LRRC49: variants seen among roughly 807,000 people sequenced by gnomAD.
LRRC49 encodes the protein leucine rich repeat containing 49, also known as leucine-rich repeat-containing protein 49.
In LRRC49, 50 loss-of-function variants were observed where a neutral mutation model predicts 83.3. That is an observed-to-expected ratio of 0.60 (90% CI 0.48 to 0.76). LRRC49 has a LOEUF of 0.76. Among genes scored for constraint, LRRC49 ranks in the 30% least tolerant of loss-of-function variants. LRRC49 has a pLI of 0.00. For synonymous variants in LRRC49, 286 were observed against 283.3 expected, an observed-to-expected ratio of 1.01 and a Z score of -0.10; for missense variants, 704 against 809.1, an observed-to-expected ratio of 0.87 and a Z score of 1.58.
At chr15:71,034,823 T>C (rs1471197316) in intron 14 of LRRC49, among the ~76,000 whole-genome samples, 3 of 152,062 alleles carry the variant, frequency 2.0e-5, no homozygotes, top group Admixed American at 1.3e-4. Flanking sequence ...TGTTCTCACT[T>C]ATAAGTGGGA....
chr15:70,867,055 C>A (rs1595968473), intron 1 of LRRC49, among the ~76,000 whole-genome samples: 1 of 98,960 alleles, frequency 1.0e-5, no homozygotes, highest in East Asian at 2.5e-4. Flanking sequence ...GGAACGGAAT[C>A]CTGATGGCCA....
intron 8 of LRRC49, among the ~76,000 whole-genome samples, chr15:70,954,205 A>C (rs2036319058): frequency 6.6e-6 from 1 of 152,142 alleles, no homozygotes; most frequent in Non-Finnish European, 1.5e-5. Flanking sequence ...AAGCTGCCAG[A>C]TTCTTTTCTC....
intron 2 of LRRC49, chr15:70,882,745 AAG>A: frequency 6.2e-7 from 1 of 1,613,968 alleles, no homozygotes; most frequent in Middle Eastern, 1.7e-4. Context: ...TAATCCATTG[AAG>A]AGTCAAAACA....
At chr15:70,960,845 AG>A (rs1447933130) in intron 8 of LRRC49, among the ~76,000 whole-genome samples, 1 of 152,198 alleles carries the variant, frequency 6.6e-6, no homozygotes, top group Non-Finnish European at 1.5e-5. Context: ...AAAACTTAGG[AG>A]AAAATCCAGA....
chr15:70,859,144 C>G, intron 1 of LRRC49: 1 of 1,379,916 alleles, frequency 7.2e-7, no homozygotes, highest in Non-Finnish European at 1.0e-6. Flanking sequence ...AGAGCTATAT[C>G]AACAACCTTA....
At chr15:70,891,731 G>A (rs1206677835), upstream of LRRC49, 5 of 991,932 alleles carry the variant, frequency 5.0e-6, no homozygotes, top group Non-Finnish European at 5.8e-6. Context: ...TAACTTTGCA[G>A]ATTAGAAAAC....
At chr15:70,992,648 C>T (rs1442977676) in intron 11 of LRRC49, among the ~76,000 whole-genome samples, 2 of 152,242 alleles carry the variant, frequency 1.3e-5, no homozygotes, top group Non-Finnish European at 2.9e-5. Flanking sequence ...CAAATGTCCA[C>T]TCCAGACCTT....
intron 9 of LRRC49, among the ~76,000 whole-genome samples, chr15:70,974,894 C>A (rs2037151501): frequency 6.6e-6 from 1 of 152,090 alleles, no homozygotes; most frequent in Non-Finnish European, 1.5e-5. Context: ...ATTGAACATC[C>A]TGGACTTTAT....
intron 11 of LRRC49, among the ~76,000 whole-genome samples, chr15:70,996,591 T>C (rs1291848980): frequency 6.6e-6 from 1 of 152,194 alleles, no homozygotes. Flanking sequence ...GATTTAGATA[T>C]ACTACTTGCT....
chr15:70,937,370 GTGA>G (rs1168260388), intron 8 of LRRC49, among the ~76,000 whole-genome samples: 2 of 152,068 alleles, frequency 1.3e-5, no homozygotes, highest in Non-Finnish European at 2.9e-5. Flanking sequence ...CCTTTATATT[GTGA>G]TGATGTCTCA....
chr15:70,880,723 G>T (rs2033246450), intron 2 of LRRC49, among the ~76,000 whole-genome samples: 1 of 151,686 alleles, frequency 6.6e-6, no homozygotes, highest in South Asian at 2.1e-4. Flanking sequence ...TAAGTGAAGA[G>T]TAAAAAAAAA....
intron 1 of LRRC49, 196 bp from the exon 2 acceptor site, chr15:70,893,388 T>G: frequency 1.7e-6 from 1 of 596,144 alleles, no homozygotes; most frequent in Non-Finnish European, 2.9e-6. Flanking sequence ...GGAAAATAAA[T>G]CAGTGAAACC....
rs746065293 is a variant in LRRC49 at position 71,049,650 on chromosome 15, T to G, written c.*38T>G. 1 of 1,439,838 alleles carries G rather than the reference T, an allele frequency of 6.9e-7. No individual in the cohort carries two copies. Among genetic ancestry groups the G allele is most frequent in the Non-Finnish European group, 9.7e-7 (1 of 1,033,696 alleles). 89.2% of individuals were successfully genotyped at this position (1,439,838 alleles called of 1,614,324 possible). The stretch of plus-strand genomic sequence containing the variant: ...GTTACAGTTGATTTTGGCAGTTTTA[T>G]TTTTTGAAGGTTGAAAATATGCAGG... On this transcript the variant is annotated 3_prime_UTR_variant, in exon 16 of 16. Transcript: ENST00000260382.
chr15:70,869,179 CTTTA>C lies in LRRC49; in HGVS notation c.-298-3723_-298-3720del, dbSNP rs146504343. 2.5e-3 allele frequency among the ~76,000 whole-genome samples: 378 copies of C among 152,170 alleles called. 1 individual carries two copies. Among genetic ancestry groups the C allele is most frequent in the African/African-American group, 8.7e-3 (361 of 41,514 alleles). ...TACATGAAAAGCTCAGGTCACAGAG[CTTTA>C]TTTATCATTTATCAACTATATAATA... On this transcript the variant is annotated intron_variant, in intron 1 of 16. Transcript: ENST00000544974.
At chr15:70,867,254 A>C (rs1013994649) in intron 1 of LRRC49, among the ~76,000 whole-genome samples, 1 of 152,168 alleles carries the variant, frequency 6.6e-6, no homozygotes, top group African/African-American at 2.4e-5. Flanking sequence ...GGCACCATGA[A>C]GTATCAAAAG....
At chr15:70,891,944 T>C, upstream of LRRC49, 1 of 1,613,690 alleles carries the variant, frequency 6.2e-7, no homozygotes, top group Non-Finnish European at 8.5e-7. Flanking sequence ...TCCTCGCGTG[T>C]CCAGGCGGCC....
upstream of LRRC49, among the ~76,000 whole-genome samples, chr15:70,888,847 A>G (rs1293500855): frequency 6.6e-6 from 1 of 152,208 alleles, no homozygotes; most frequent in East Asian, 1.9e-4. Context: ...TTAATATTTG[A>G]AAAGGTGTTT....
chr15:71,036,443 A>G (rs963684628), intron 14 of LRRC49, among the ~76,000 whole-genome samples: 9 of 152,182 alleles, frequency 5.9e-5, no homozygotes, highest in African/African-American at 2.2e-4. Flanking sequence ...TAAAAAAGTT[A>G]TATTCCTCTT....
chr15:70,962,463 C>G (rs1413767964), intron 8 of LRRC49, among the ~76,000 whole-genome samples: 1 of 152,010 alleles, frequency 6.6e-6, no homozygotes, highest in Non-Finnish European at 1.5e-5. Flanking sequence ...TACACTTAGC[C>G]CCCAGATCTT....
Sources: allele counts gnomAD v4.1 joint callset (sites outside exome capture counted in the v4.1 genomes callset), GRCh38; gene constraint gnomAD v4.1.1; transcripts MANE v1.5; gene names NCBI Gene and HGNC (gene_info 2026-07-23, HGNC 2026-07-21).